ARB2A: variants seen among roughly 807,000 people sequenced by gnomAD.
The protein encoded by ARB2A is cotranscriptional regulator ARB2A.
At chr5:93,657,728 T>A in the ARB2A span, among the ~76,000 whole-genome samples, 1 of 152,188 alleles carries the variant, frequency 6.6e-6, no homozygotes, top group Non-Finnish European at 1.5e-5. Flanking sequence ...TTATTCCAAA[T>A]TGCACTTTAT....
chr5:93,796,657 C>T, the ARB2A span, among the ~76,000 whole-genome samples: 5 of 152,254 alleles, frequency 3.3e-5, no homozygotes, highest in East Asian at 7.7e-4. Context: ...AATACTGTTG[C>T]TTGAAGAAAC....
chr5:94,020,074 T>A, the ARB2A span, among the ~76,000 whole-genome samples: 4 of 152,140 alleles, frequency 2.6e-5, no homozygotes, highest in Non-Finnish European at 5.9e-5. Context: ...CACGTAATGC[T>A]ATGTAGCCAT....
At chr5:93,927,265 G>C in the ARB2A span, among the ~76,000 whole-genome samples, 1 of 152,172 alleles carries the variant, frequency 6.6e-6, no homozygotes, top group African/African-American at 2.4e-5. Flanking sequence ...GAAAGGGCTT[G>C]GCTTTGGAGT....
At chr5:94,048,571 A>T in the ARB2A span, among the ~76,000 whole-genome samples, 1 of 152,204 alleles carries the variant, frequency 6.6e-6, no homozygotes, top group Non-Finnish European at 1.5e-5. Flanking sequence ...TATAGCAGGC[A>T]GCATGAGCTT....
At chr5:93,721,494 G>A in the ARB2A span, among the ~76,000 whole-genome samples, 2 of 152,054 alleles carry the variant, frequency 1.3e-5, no homozygotes, top group Non-Finnish European at 2.9e-5. Context: ...TACCATATTT[G>A]TTAGTTTGAG....
the ARB2A span, chr5:93,805,806 A>G: frequency 1.0e-6 from 1 of 985,002 alleles, no homozygotes; most frequent in Non-Finnish European, 1.2e-6. Context: ...AACGGTTTTC[A>G]ATGGATCTCC....
chr5:93,882,690 C>T, the ARB2A span, among the ~76,000 whole-genome samples: 1 of 151,138 alleles, frequency 6.6e-6, no homozygotes, highest in Non-Finnish European at 1.5e-5. Flanking sequence ...TATATCTTGT[C>T]TTTTCTATTC....
At chr5:94,079,363 T>A in the ARB2A span, among the ~76,000 whole-genome samples, 2 of 152,214 alleles carry the variant, frequency 1.3e-5, no homozygotes, top group Non-Finnish European at 2.9e-5. Flanking sequence ...TTCTTATCCA[T>A]TATCTGATTA....
the ARB2A span, among the ~76,000 whole-genome samples, chr5:93,663,870 T>C: frequency 6.6e-6 from 1 of 152,192 alleles, no homozygotes; most frequent in South Asian, 2.1e-4. Context: ...AATAAATTTG[T>C]TTCTAAATAT....
chr5:93,992,604 C>T, the ARB2A span, among the ~76,000 whole-genome samples: 1 of 151,992 alleles, frequency 6.6e-6, no homozygotes, highest in African/African-American at 2.4e-5. Context: ...AGCGCTTTGC[C>T]TATTTCTTTT....
At chr5:93,762,289 G>A in the ARB2A span, among the ~76,000 whole-genome samples, 3 of 152,158 alleles carry the variant, frequency 2.0e-5, no homozygotes, top group Admixed American at 1.3e-4. Flanking sequence ...AGGCAAAGAA[G>A]TTAAAAACCT....
the ARB2A span, among the ~76,000 whole-genome samples, chr5:93,724,204 T>C: frequency 1.3e-5 from 2 of 151,830 alleles, no homozygotes; most frequent in East Asian, 3.9e-4. Context: ...TTAAGAAATA[T>C]ATTAACAAAA....
chr5:93,840,908 C>T, the ARB2A span, among the ~76,000 whole-genome samples: 400 of 152,108 alleles, frequency 2.6e-3, 1 homozygote, highest in African/African-American at 9.2e-3. Flanking sequence ...AATTATGGCC[C>T]ATTATTTACA....
chr5:93,963,488 T>C, the ARB2A span, among the ~76,000 whole-genome samples: 1 of 152,008 alleles, frequency 6.6e-6, no homozygotes, highest in South Asian at 2.1e-4. Context: ...GATCTTGCAC[T>C]TGAGGTTACT....
the ARB2A span, among the ~76,000 whole-genome samples, chr5:93,851,201 T>C: frequency 2.7e-3 from 406 of 152,330 alleles, 1 homozygote; most frequent in Non-Finnish European, 4.3e-3. Context: ...GTAGCTCATT[T>C]TAAGAATAGA....
the ARB2A span, among the ~76,000 whole-genome samples, chr5:93,750,955 T>G: frequency 6.6e-5 from 10 of 152,252 alleles, no homozygotes; most frequent in Non-Finnish European, 1.3e-4. Flanking sequence ...AAAAAGTAAA[T>G]AAAAGTAAAA....
chr5:93,641,439 T>C, the ARB2A span, among the ~76,000 whole-genome samples: 1 of 152,146 alleles, frequency 6.6e-6, no homozygotes, highest in Non-Finnish European at 1.5e-5. Flanking sequence ...TGAATCCACT[T>C]ATAAGATTAA....
At chr5:93,795,646 T>A in the ARB2A span, among the ~76,000 whole-genome samples, 8 of 152,070 alleles carry the variant, frequency 5.3e-5, no homozygotes, top group Non-Finnish European at 1.0e-4. Flanking sequence ...CTGCTAACAC[T>A]CCATTGTCTT....
At chr5:94,084,103 A>G in the ARB2A span, among the ~76,000 whole-genome samples, 2 of 151,802 alleles carry the variant, frequency 1.3e-5, no homozygotes, top group African/African-American at 4.8e-5. Flanking sequence ...GTGAAACCCC[A>G]TCTCTACTGA....
Sources: allele counts gnomAD v4.1 joint callset (sites outside exome capture counted in the v4.1 genomes callset), GRCh38; gene constraint gnomAD v4.1.1; transcripts MANE v1.5; gene names NCBI Gene and HGNC (gene_info 2026-07-23, HGNC 2026-07-21).